The following BBLN variants were observed in gnomAD, a reference collection of about 807,000 sequenced individuals.
BBLN encodes bublin coiled coil protein.
In BBLN, 6 loss-of-function variants were observed where a neutral mutation model predicts 7.6. That is an observed-to-expected ratio of 0.79 (90% CI 0.43 to 1.55). The LOEUF is 1.55. Among genes scored for constraint, BBLN ranks in the 40% most tolerant of loss-of-function variants. The pLI is 0.01. For missense variants in BBLN, 100 were observed against 111.1 expected, an observed-to-expected ratio of 0.90 and a Z score of 0.45; for synonymous variants, 35 against 46.7, an observed-to-expected ratio of 0.75 and a Z score of 1.02.
rs1026278253 is a variant in BBLN at position 128,160,477 on chromosome 9, G to C, written c.70G>C (p.Gly24Arg). The C allele has an allele frequency of 7.9e-7, 1 of 1,268,904 alleles. No individual in the cohort carries two copies. The highest frequency in any genetic ancestry group is 3.2e-5 in the South Asian group (1 of 31,684). The allele number at this position is 1,268,904 out of a possible 1,614,324, so 78.6% of individuals were successfully genotyped here. ...AGCGGAAGGCGAGGAGGACGGCTTC[G>C]GGGAAGCAGGTGACCCGAGGGGGCT... is the stretch of plus-strand genomic sequence containing the variant. ...AGAEGEEDGF[G>R]EAEYAAINSM... Residue 24 changes from glycine to arginine, a missense_variant, in exon 1 of 2, where the codon GGG becomes CGG. Physicochemically the swap from Gly to Arg is moderately radical, Grantham distance 125 (BLOSUM62 -2). Coordinates refer to ENST00000372994, the MANE Select transcript of BBLN (RefSeq NM_024112.4).
chr9:128,163,476 T>C lies in BBLN; in HGVS notation c.113T>C (p.Ile38Thr), dbSNP rs1244678871. 2 of 1,604,332 alleles carry C rather than the reference T, an allele frequency of 1.2e-6. No homozygotes were observed. Among genetic ancestry groups the C allele is most frequent in the Non-Finnish European group, 1.7e-6 (2 of 1,174,494 alleles). Residue 38 changes from isoleucine (I) to threonine (T), a missense_variant, in exon 2 of 2, where the codon ATC becomes ACC. By Grantham distance (89) the Ile-to-Thr change is moderately conservative. Transcript: ENST00000372994. The surrounding 1 kb of genome is among the most constrained non-coding windows in gnomAD (Gnocchi z 5.7). ...GCCATCAACTCCATGCTGGACCAGA[T>C]CAACTCCTGTCTGGACCACCTGGAG... Reference protein sequence around the residue: ...YAAINSMLDQINSCLDHLEEK... With the variant: ...YAAINSMLDQTNSCLDHLEEK...
Position 128,163,441 on chromosome 9 carries a change from A to G in BBLN, c.80-2A>G, listed in dbSNP as rs749958212. On this transcript the variant is annotated splice_acceptor_variant, in intron 1 of 1. Transcript: ENST00000372994. LOFTEE classifies it high-confidence loss of function. The surrounding 1 kb of genome is among the most constrained non-coding windows in gnomAD (Gnocchi z 5.7). ...GGGCTCTGTCTTTCGCCTTCCTCCC[A>G]GAATACGCTGCCATCAACTCCATGC... 4.5e-6 allele frequency: 7 copies of G among 1,545,302 alleles called. No homozygotes were observed. The highest frequency in any genetic ancestry group is 8.8e-7 in the Non-Finnish European group (1 of 1,141,054).
rs372584380 is a variant in BBLN at position 128,163,421 on chromosome 9, C to G, written c.80-22C>G. On this transcript the variant is annotated intron_variant, in intron 1 of 1. Coordinates refer to ENST00000372994, the MANE Select transcript of BBLN (RefSeq NM_024112.4). This position sits in a 1 kb window ranked among gnomAD's most constrained non-coding sequence, Gnocchi z 5.7. ...CCCAAGGAGACACAGGATCTGGGCT[C>G]TGTCTTTCGCCTTCCTCCCAGAATA... is the stretch of plus-strand genomic sequence containing the variant. 41 of 1,519,492 alleles carry G rather than the reference C, an allele frequency of 2.7e-5. 1 individual carries two copies. Among genetic ancestry groups the G allele is most frequent in the Non-Finnish European group, 3.5e-5 (40 of 1,128,586 alleles). 94.1% of individuals were successfully genotyped at this position (1,519,492 alleles called of 1,614,324 possible). A position where few individuals can be genotyped will look rare whatever the true frequency, so the allele number is the denominator to read the frequency against.
Position 128,160,446 on chromosome 9 carries a change from G to A in BBLN, c.39G>A (p.Glu13=). Residue 13 remains glutamate (E), a synonymous_variant, in exon 1 of 2, where the codon GAG becomes GAA. Transcript: ENST00000372994. ...ACGGAGACCTGGGGATGCCGGTGGA[G>A]GCGGGAGCGGAAGGCGAGGAGGACG... is the stretch of plus-strand genomic sequence containing the variant. ...GPNGDLGMPV[E]AGAEGEEDGF... is the part of the protein sequence containing the mutation. 7.9e-7 allele frequency: 1 copy of A among 1,267,632 alleles called. No homozygotes were observed. Among genetic ancestry groups the A allele is most frequent in the Non-Finnish European group, 1.0e-6 (1 of 998,252 alleles). 78.5% of individuals were successfully genotyped at this position (1,267,632 alleles called of 1,614,324 possible). A position where few individuals can be genotyped will look rare whatever the true frequency, so the allele number is the denominator to read the frequency against.
chr9:128,162,349 G>A (rs995023212), intron 1 of BBLN: 17 of 152,604 alleles, frequency 1.1e-4, no homozygotes, highest in African/African-American at 4.1e-4. Flanking sequence ...GTGTATGTGA[G>A]TCATGGGCTG....
intron 1 of BBLN, 109 bp downstream of exon 1, chr9:128,160,595 C>A: frequency 1.2e-6 from 1 of 810,282 alleles, no homozygotes. Flanking sequence ...CCCATTCCGC[C>A]CCGAGCGGGT....
Position 128,160,337 on chromosome 9 carries a change from C to T in BBLN, c.-71C>T, listed in dbSNP as rs2130882529. ...CTATCCGCCGCCTCCACCTTCCATC[C>T]GGCGCCGGCTTTCGGCGCGACGGTC... is the stretch of plus-strand genomic sequence containing the variant. On this transcript the variant is annotated 5_prime_UTR_variant, in exon 1 of 2. Coordinates refer to ENST00000372994, the MANE Select transcript of BBLN (RefSeq NM_024112.4). 3 of 929,744 alleles carry T rather than the reference C, an allele frequency of 3.2e-6. No individual in the cohort carries two copies. Among genetic ancestry groups the T allele is most frequent in the Non-Finnish European group, 4.2e-6 (3 of 707,882 alleles). The allele number at this position is 929,744 out of a possible 1,614,324, so 57.6% of individuals were successfully genotyped here. A position where few individuals can be genotyped will look rare whatever the true frequency, so the allele number is the denominator to read the frequency against.
In BBLN at chr9:128,160,386, C is replaced by A. The variant is rs1325476951; in HGVS notation, c.-22C>A. On this transcript the variant is annotated 5_prime_UTR_variant, in exon 1 of 2. Transcript: ENST00000372994. The stretch of plus-strand genomic sequence containing the variant: ...TCGCCGCGTTCCATCGTCGCGCGGC[C>A]CTTCGGGCGCCCGAGCCCGCAATGT... The A allele has an allele frequency of 1.6e-6, 2 of 1,247,558 alleles. No individual in the cohort carries two copies. Among genetic ancestry groups the A allele is most frequent in the African/African-American group, 1.6e-5 (1 of 64,390 alleles). The allele number at this position is 1,247,558 out of a possible 1,614,324, so 77.3% of individuals were successfully genotyped here.
intron 1 of BBLN, among the ~76,000 whole-genome samples, chr9:128,161,643 CTT>C (rs60529484): frequency 2.4e-4 from 34 of 144,168 alleles, no homozygotes; most frequent in Non-Finnish European, 4.0e-4. Context: ...CCTGTCTGAG[CTT>C]TTTTTTTTTT....
chr9:128,161,672 G>A lies in BBLN; in HGVS notation c.79+1186G>A, dbSNP rs186395361. ...TTTTTTTTTTTTGAGTCGGAGTCTT[G>A]CTCTGTTGCCCAGGCTGGAGTACAG... On this transcript the variant is annotated intron_variant, in intron 1 of 1. Coordinates refer to ENST00000372994, the MANE Select transcript of BBLN (RefSeq NM_024112.4). 2.3e-3 allele frequency among the ~76,000 whole-genome samples: 339 copies of A among 147,314 alleles called. 1 individual carries two copies. Among genetic ancestry groups the A allele is most frequent in the African/African-American group, 8.3e-3 (325 of 39,002 alleles).
chr9:128,160,848 C>T (rs923737792), intron 1 of BBLN, among the ~76,000 whole-genome samples: 23 of 152,150 alleles, frequency 1.5e-4, no homozygotes, highest in Admixed American at 1.4e-3. Flanking sequence ...GTTGGGGACG[C>T]GGGGGCGTCG....
In BBLN at chr9:128,163,658, G is replaced by A. The variant is rs373098556; in HGVS notation, c.*43G>A. 209 of 1,429,170 alleles carry A rather than the reference G, an allele frequency of 1.5e-4. No homozygotes were observed. Among genetic ancestry groups the A allele is most frequent in the Non-Finnish European group, 1.8e-4 (193 of 1,080,384 alleles). 88.5% of individuals were successfully genotyped at this position (1,429,170 alleles called of 1,614,324 possible). A position where few individuals can be genotyped will look rare whatever the true frequency, so the allele number is the denominator to read the frequency against. On this transcript the variant is annotated 3_prime_UTR_variant, in exon 2 of 2. Transcript: ENST00000372994. This position sits in a 1 kb window ranked among gnomAD's most constrained non-coding sequence, Gnocchi z 5.7. ...CCGGGACCCAACCCTGCCTCCCTGG[G>A]CTAGGCTCTGGCCTGGGCACTCACC...
At chr9:128,161,521 G>A (rs895128283) in intron 1 of BBLN, among the ~76,000 whole-genome samples, 2 of 152,106 alleles carry the variant, frequency 1.3e-5, no homozygotes, top group African/African-American at 4.8e-5. Context: ...CTGGCCTGGA[G>A]GGGTGTGGGG....
intron 1 of BBLN, among the ~76,000 whole-genome samples, chr9:128,160,958 C>G (rs1047823754): frequency 6.6e-6 from 1 of 152,072 alleles, no homozygotes; most frequent in East Asian, 1.9e-4. Flanking sequence ...TGCGTGCTTA[C>G]GAGTGCAGGG....
intron 1 of BBLN, among the ~76,000 whole-genome samples, chr9:128,161,087 C>CAA (rs10524542): frequency 1.6e-5 from 2 of 125,944 alleles, no homozygotes; most frequent in Non-Finnish European, 3.2e-5. Flanking sequence ...GAATTAAATG[C>CAA]AAAAAAAAGG....
In BBLN at chr9:128,163,089, G is replaced by A. The variant is rs1324322446; in HGVS notation, c.80-354G>A. On this transcript the variant is annotated intron_variant, in intron 1 of 1. Transcript: ENST00000372994. This position sits in a 1 kb window ranked among gnomAD's most constrained non-coding sequence, Gnocchi z 5.7. ...GGGCTGGCGAACAGGGCCCATCTGGGGACAGAGGCCTTGAATGCCCAACTC... is the reference window on the plus strand; with the variant it reads ...GGGCTGGCGAACAGGGCCCATCTGGAGACAGAGGCCTTGAATGCCCAACTC... 5.6e-6 allele frequency: 1 copy of A among 178,854 alleles called. No homozygotes were observed. Among genetic ancestry groups the A allele is most frequent in the African/African-American group, 2.4e-5 (1 of 42,380 alleles). The allele number at this position is 178,854 out of a possible 1,614,324, so 11.1% of individuals were successfully genotyped here.
At position 128,163,548 on chromosome 9, in the gene BBLN, C is replaced by G; in HGVS notation, c.185C>G (p.Ser62Cys). The G allele has an allele frequency of 6.2e-7, 1 of 1,610,268 alleles. No homozygotes were observed. Among genetic ancestry groups the G allele is most frequent in the Non-Finnish European group, 8.5e-7 (1 of 1,178,110 alleles). Residue 62 changes from serine (S) to cysteine (C), a missense_variant, in exon 2 of 2, where the codon TCC (serine) becomes TGC (cysteine). By Grantham distance (112) the Ser-to-Cys change is moderately radical. Transcript: ENST00000372994. The surrounding 1 kb of genome is among the most constrained non-coding windows in gnomAD (Gnocchi z 5.7). Reference protein sequence around the residue: ...LHARLQELLESNRQTRLEFQQ... With the variant: ...LHARLQELLECNRQTRLEFQQ... ...GCCCGCCTCCAGGAGCTGCTGGAGT[C>G]CAACCGGCAGACACGCCTGGAGTTC...
Position 128,163,293 on chromosome 9 carries a change from C to T in BBLN, c.80-150C>T. The stretch of plus-strand genomic sequence containing the variant: ...GCCACTCCTCTTTTGGTATTCCACC[C>T]ATTTTCCAGACGGTGACACTGAGGC... On this transcript the variant is annotated intron_variant, in intron 1 of 1. Coordinates refer to ENST00000372994, the MANE Select transcript of BBLN (RefSeq NM_024112.4). This position sits in a 1 kb window ranked among gnomAD's most constrained non-coding sequence, Gnocchi z 5.7. 1 of 586,036 alleles carries T rather than the reference C, an allele frequency of 1.7e-6. No individual in the cohort carries two copies. The highest frequency in any genetic ancestry group is 2.8e-6 in the Non-Finnish European group (1 of 355,820). 36.3% of individuals were successfully genotyped at this position (586,036 alleles called of 1,614,324 possible). A position where few individuals can be genotyped will look rare whatever the true frequency, so the allele number is the denominator to read the frequency against.
rs1197239297 is a variant in BBLN at position 128,163,908 on chromosome 9, T to A, written c.*293T>A. On this transcript the variant is annotated 3_prime_UTR_variant, in exon 2 of 2. Coordinates refer to ENST00000372994, the MANE Select transcript of BBLN (RefSeq NM_024112.4). The surrounding 1 kb of genome is among the most constrained non-coding windows in gnomAD (Gnocchi z 5.7). ...CTGCCCAGGCCTTGAGTGTCCACAT[T>A]AAATGGGTCTCCCACACCGCTGTGC... 8.1e-6 allele frequency: 3 copies of A among 371,524 alleles called. No homozygotes were observed. Among genetic ancestry groups the A allele is most frequent in the Non-Finnish European group, 1.5e-5 (3 of 204,910 alleles). The allele number at this position is 371,524 out of a possible 1,614,324, so 23.0% of individuals were successfully genotyped here. A position where few individuals can be genotyped will look rare whatever the true frequency, so the allele number is the denominator to read the frequency against.
Sources: gnomAD v4.1 joint callset for allele counts (sites outside exome capture counted in the v4.1 genomes callset) on GRCh38, gnomAD v4.1.1 for gene constraint, Gnocchi (gnomAD v3.1) non-coding constraint, MANE v1.5 for transcripts, NCBI Gene and HGNC (gene_info 2026-07-23, HGNC 2026-07-21) for gene names.